CA8: variants seen among roughly 807,000 people sequenced by gnomAD.
CA8 encodes the protein carbonic anhydrase 8 (inactive).
CA8 carries 22 observed loss-of-function variants against 41.4 expected under a neutral mutation model. The observed-to-expected ratio is 0.53, with a 90% CI of 0.38 to 0.76. The LOEUF (loss-of-function observed/expected upper bound fraction) is 0.76, where lower values mean the gene tolerates loss of function less well. Among genes scored for constraint, CA8 ranks in the 30% least tolerant of loss-of-function variants. The probability of loss-of-function intolerance (pLI) is 0.00; values close to 1 mark genes in which losing one functional copy is unlikely to be tolerated. For missense variants in CA8, 270 were observed against 352.8 expected (o/e 0.77, Z 1.88); for synonymous variants, 121 against 130.6 (o/e 0.93, Z 0.50).
At chr8:60,194,318 AGTGGAGGCGGAGGGCACC>A (rs1444151781) in intron 8 of CA8, among the ~76,000 whole-genome samples, 9 of 152,176 alleles carry the variant, frequency 5.9e-5, no homozygotes, top group African/African-American at 2.2e-4. Flanking sequence ...ACAAAACCAG[AGTGGAGGCGGAGGGCACC>A]GTGGAGGCCT....
intron 8 of CA8, among the ~76,000 whole-genome samples, chr8:60,205,977 C>T (rs965590167): frequency 5.0e-4 from 76 of 152,130 alleles, no homozygotes; most frequent in African/African-American, 1.7e-3. Context: ...GAATTACCTG[C>T]CTTAGGGCAT....
At chr8:60,220,964 C>T (rs1327818923) in intron 7 of CA8, among the ~76,000 whole-genome samples, 4 of 152,072 alleles carry the variant, frequency 2.6e-5, no homozygotes, top group Non-Finnish European at 5.9e-5. Flanking sequence ...AGAATGACTG[C>T]GAATGACTAC....
At chr8:60,242,859 C>A (rs1259873791) in intron 3 of CA8, among the ~76,000 whole-genome samples, 1 of 152,198 alleles carries the variant, frequency 6.6e-6, no homozygotes, top group Non-Finnish European at 1.5e-5. Flanking sequence ...GGTCTAGCGC[C>A]CCACTTTAGA....
intron 3 of CA8, among the ~76,000 whole-genome samples, chr8:60,241,262 C>T (rs1392056355): frequency 2.6e-5 from 4 of 152,166 alleles, no homozygotes; most frequent in Non-Finnish European, 4.4e-5. Context: ...ATAAATTATT[C>T]GAAATTCTAT....
chr8:60,267,123 A>G (rs759062434), intron 2 of CA8, among the ~76,000 whole-genome samples: 18 of 152,210 alleles, frequency 1.2e-4, no homozygotes, highest in Non-Finnish European at 2.5e-4. Flanking sequence ...TGGTGCAACA[A>G]TATTTACTTG....
At chr8:60,248,553 G>T (rs558359514) in intron 3 of CA8, among the ~76,000 whole-genome samples, 1 of 152,204 alleles carries the variant, frequency 6.6e-6, no homozygotes, top group Admixed American at 6.5e-5. Context: ...TCAAAGGTCA[G>T]GTGGCTGTAG....
At chr8:60,264,572 G>C (rs1803839426) in intron 3 of CA8, among the ~76,000 whole-genome samples, 1 of 152,220 alleles carries the variant, frequency 6.6e-6, no homozygotes, top group Non-Finnish European at 1.5e-5. Flanking sequence ...ACAGGCAGTA[G>C]AAAGGAGAGG....
intron 6 of CA8, among the ~76,000 whole-genome samples, chr8:60,223,089 T>C (rs1408992595): frequency 1.3e-5 from 2 of 152,240 alleles, no homozygotes; most frequent in Non-Finnish European, 2.9e-5. Flanking sequence ...CTAATATTTA[T>C]TGAATGCTTA....
chr8:60,246,929 G>C (rs1808264767), intron 3 of CA8, among the ~76,000 whole-genome samples: 2 of 138,590 alleles, frequency 1.4e-5, no homozygotes, highest in African/African-American at 5.6e-5. Flanking sequence ...TGTCCCCCAG[G>C]CTGGAGTTCA....
rs117417270 is a variant in CA8, at chr8:60,234,734, T to C, written c.418-2355A>G. Among the ~76,000 whole-genome samples, 862 of 152,250 alleles carry C rather than the reference T, an allele frequency of 5.7e-3. 2 individuals carry two copies. The highest frequency in any genetic ancestry group is 7.9e-3 in the Non-Finnish European group (535 of 67,998). On this transcript the variant is annotated intron_variant, in intron 3 of 8. Transcript: ENST00000317995. The stretch of plus-strand genomic sequence containing the variant: ...TTCACTCTACCTTCTGGGTCTTCAA[T>C]AACCACCTGAGTCTTGGCGGTTCCA...
rs1455320526 is a variant in CA8 at position 60,188,585 on chromosome 8, A to T, written c.*1436T>A. ...CTTCACCGTTTCCTCATTGTTGGACACTAGGAACTGTTATACACAAGGGAA... is the reference window on the plus strand; with the variant it reads ...CTTCACCGTTTCCTCATTGTTGGACTCTAGGAACTGTTATACACAAGGGAA... On this transcript the variant is annotated 3_prime_UTR_variant, in exon 9 of 9. Coordinates refer to ENST00000317995, the MANE Select transcript of CA8 (RefSeq NM_004056.6). 1 of 152,202 alleles carries T rather than the reference A, an allele frequency of 6.6e-6. No individual in the cohort carries two copies. The highest frequency in any genetic ancestry group is 2.4e-5 in the African/African-American group (1 of 41,442). 9.4% of individuals were successfully genotyped at this position (152,202 alleles called of 1,614,324 possible).
chr8:60,277,362 T>C (rs1307694938), intron 2 of CA8, among the ~76,000 whole-genome samples: 2 of 151,954 alleles, frequency 1.3e-5, no homozygotes, highest in African/African-American at 4.8e-5. Flanking sequence ...TATTCACCTT[T>C]TTTTTTTTGA....
intron 5 of CA8, among the ~76,000 whole-genome samples, chr8:60,225,076 A>G (rs1318502147): frequency 6.6e-6 from 1 of 152,018 alleles, no homozygotes; most frequent in African/African-American, 2.4e-5. Context: ...TCTATGCTAG[A>G]TGCTCTCCTC....
chr8:60,260,922 C>A (rs1671776154), intron 3 of CA8, among the ~76,000 whole-genome samples: 1 of 152,208 alleles, frequency 6.6e-6, no homozygotes, highest in Non-Finnish European at 1.5e-5. Flanking sequence ...ATTAACCAGG[C>A]AAACTCTTCC....
At chr8:60,232,421 T>A (rs1807685588) in intron 3 of CA8, 42 bp from the exon 4 acceptor site, 1 of 1,298,224 alleles carries the variant, frequency 7.7e-7, no homozygotes, top group Non-Finnish European at 1.1e-6. Flanking sequence ...TTTAATGTGC[T>A]ACTTCTAATC....
At chr8:60,232,011 C>T (rs935099803) in intron 4 of CA8, among the ~76,000 whole-genome samples, 1 of 152,106 alleles carries the variant, frequency 6.6e-6, no homozygotes, top group Non-Finnish European at 1.5e-5. Flanking sequence ...AAAATAAACT[C>T]TACCTTCAGG....
intron 7 of CA8, among the ~76,000 whole-genome samples, chr8:60,210,534 C>T (rs1007248194): frequency 9.2e-5 from 14 of 152,092 alleles, no homozygotes; most frequent in Non-Finnish European, 1.6e-4. Context: ...TCTAATTCAA[C>T]ACACTCATAC....
chr8:60,240,821 A>C (rs531001435), intron 3 of CA8, among the ~76,000 whole-genome samples: 26 of 152,220 alleles, frequency 1.7e-4, no homozygotes, highest in African/African-American at 6.3e-4. Flanking sequence ...GCTCTGCCAC[A>C]CTCAAAACAG....
chr8:60,193,382 A>G (rs922587199), intron 8 of CA8, among the ~76,000 whole-genome samples: 9 of 152,146 alleles, frequency 5.9e-5, no homozygotes, highest in Non-Finnish European at 1.0e-4. Context: ...TCATTCTGGC[A>G]TTTATTCATC....
Sources: gnomAD v4.1 joint callset for allele counts (sites outside exome capture counted in the v4.1 genomes callset) on GRCh38, gnomAD v4.1.1 for gene constraint, MANE v1.5 for transcripts, NCBI Gene and HGNC (gene_info 2026-07-23, HGNC 2026-07-21) for gene names.